Variants in DNAH9 observed in about 807,000 individuals in gnomAD.
DNAH9 encodes dynein axonemal heavy chain 9, also known as DNAH9 variant protein.
DNAH9 carries 345 observed loss-of-function variants against 471.6 expected under a neutral mutation model. The ratio of observed to expected loss-of-function variants is 0.73; its 90% confidence interval spans 0.67 to 0.80. DNAH9 has a LOEUF of 0.80. DNAH9 is among the 30% of genes least tolerant of loss of function. The pLI, the probability that DNAH9 is intolerant of heterozygous loss-of-function variation, is 0.00. For missense variants in DNAH9, 5,407 were observed against 5,609.2 expected (o/e 0.96, Z 1.15); for synonymous variants, 2,093 against 2,123.6 (o/e 0.99, Z 0.40).
chr17:11,949,638 T>C lies in DNAH9; in HGVS notation c.12843+7153T>C, dbSNP rs368074203. Among the ~76,000 whole-genome samples the C allele has an allele frequency of 2.0e-5, 3 of 152,264 alleles. No homozygotes were observed. In the South Asian group the frequency reaches 6.2e-4, roughly 32 times the overall value. ...CTGGGATTACAGGCATGCGCCAGCA[T>C]GCCTGGCTAATTTTGTATTTTCAGT... is the stretch of plus-strand genomic sequence containing the variant. On this transcript the variant is annotated intron_variant, in intron 67 of 68. Coordinates refer to ENST00000262442, the MANE Select transcript of DNAH9 (RefSeq NM_001372.4).
chr17:11,762,796 T>TTTTTTTTTTTTTTTTTTTTTTC (rs1555584732), intron 35 of DNAH9, among the ~76,000 whole-genome samples: 1 of 144,596 alleles, frequency 6.9e-6, no homozygotes, highest in Non-Finnish European at 1.5e-5. Context: ...TTTTTTTTTT[T>TTTTTTTTTTTTTTTTTTTTTTC]TGAGATGGAG....
In DNAH9 at chr17:11,945,587, C is replaced by T. The variant is rs183943665; in HGVS notation, c.12843+3102C>T. On this transcript the variant is annotated intron_variant, in intron 67 of 68. Transcript: ENST00000262442. ...AAGTTCTGGGACTGTTGGAGCTAAA[C>T]GATGGGAATACACAGACATACAAAG... Among the ~76,000 whole-genome samples, 79 of 148,870 alleles carry T rather than the reference C, an allele frequency of 5.3e-4. 1 individual carries two copies. Among genetic ancestry groups the T allele is most frequent in the Non-Finnish European group, 1.0e-4 (7 of 67,504 alleles).
intron 2 of DNAH9, among the ~76,000 whole-genome samples, 174 bp downstream of exon 2, chr17:11,608,499 C>T (rs2072557478): frequency 6.6e-6 from 1 of 152,190 alleles, no homozygotes; most frequent in Admixed American, 6.5e-5. Context: ...GTGTGTTTAC[C>T]CTGGTTACTC....
In DNAH9 at chr17:11,807,759, C is replaced by T. The variant is rs766951698; in HGVS notation, c.8448C>T (p.Ser2816=). ...HVCHINRILE[S]PRGNALLVGV... is the part of the protein sequence containing the mutation. ...GCCATATCAATCGCATCTTGGAGTC[C>T]CCGCGGGGAAATGCTCTGCTGGTTG... The change falls in exon 44 of 69, where the codon TCC becomes TCT. Residue 2816 remains serine (S), a synonymous_variant. Coordinates refer to ENST00000262442, the MANE Select transcript of DNAH9 (RefSeq NM_001372.4). The T allele has an allele frequency of 6.2e-7, 1 of 1,612,026 alleles. No individual in the cohort carries two copies. Among genetic ancestry groups the T allele is most frequent in the Admixed American group, 1.7e-5 (1 of 59,946 alleles).
At chr17:11,696,307 A>G (rs1384187671) in intron 22 of DNAH9, among the ~76,000 whole-genome samples, 3 of 152,112 alleles carry the variant, frequency 2.0e-5, no homozygotes, top group African/African-American at 4.8e-5. Context: ...CAAGTCAAAG[A>G]TATCTCCCTC....
chr17:11,598,972 A>G lies in DNAH9; in HGVS notation c.417+57A>G, dbSNP rs2072325397. Reference sequence around the variant, plus strand: ...AAGCTGGGTGGGGGAGGGGAGGAGGAGCCTTAAGGGACGGAGGCGGGGCCA... The same window carrying G: ...AAGCTGGGTGGGGGAGGGGAGGAGGGGCCTTAAGGGACGGAGGCGGGGCCA... On this transcript the variant is annotated intron_variant, in intron 1 of 68. Transcript: ENST00000262442. The G allele has an allele frequency of 3.3e-5, 33 of 986,496 alleles. No individual in the cohort carries two copies. In the South Asian group the frequency reaches 8.4e-4, roughly 25 times the overall value. The allele number at this position is 986,496 out of a possible 1,614,324, so 61.1% of individuals were successfully genotyped here. A position where few individuals can be genotyped will look rare whatever the true frequency, so the allele number is the denominator to read the frequency against.
chr17:11,922,099 T>C (rs951852590), intron 61 of DNAH9, among the ~76,000 whole-genome samples: 3 of 152,238 alleles, frequency 2.0e-5, no homozygotes, highest in African/African-American at 7.2e-5. Context: ...ACGGTGTTTC[T>C]TGGGTTCATC....
At position 11,933,978 on chromosome 17, in the gene DNAH9, G is replaced by A. The variant is rs768307083; in HGVS notation, c.12396G>A (p.Gly4132=). ...GAAGACTCTGCAGAACCTACCTGGGGGAATTCATTCGACCAGAAATGTTAG... is the reference window on the plus strand; with the variant it reads ...GAAGACTCTGCAGAACCTACCTGGGAGAATTCATTCGACCAGAAATGTTAG... ...WDRRLCRTYL[G]EFIRPEMLEG... The change falls in exon 65 of 69, where the codon GGG becomes GGA. Residue 4132 remains glycine, a synonymous_variant. Transcript: ENST00000262442. The A allele has an allele frequency of 6.2e-7, 1 of 1,614,152 alleles. No homozygotes were observed. The highest frequency in any genetic ancestry group is 8.5e-7 in the Non-Finnish European group (1 of 1,180,022).
rs777227983 is a variant in DNAH9, at chr17:11,886,824, G to C, written c.10972-1G>C. ...TGGGCTGCTGTTTATTTTTCCAACAGGTCCAGGAGGCCAAGGTGACTGAAG... is the reference window on the plus strand; with the variant it reads ...TGGGCTGCTGTTTATTTTTCCAACACGTCCAGGAGGCCAAGGTGACTGAAG... On this transcript the variant is annotated splice_acceptor_variant, in intron 56 of 68. Coordinates refer to ENST00000262442, the MANE Select transcript of DNAH9 (RefSeq NM_001372.4). LOFTEE classifies it high-confidence loss of function. 6.2e-7 allele frequency: 1 copy of C among 1,606,576 alleles called. No homozygotes were observed. Among genetic ancestry groups the C allele is most frequent in the Non-Finnish European group, 8.5e-7 (1 of 1,176,176 alleles).
At position 11,892,442 on chromosome 17, in the gene DNAH9, C is replaced by A. The variant is rs186244680; in HGVS notation, c.11283+495C>A. Among the ~76,000 whole-genome samples the A allele has an allele frequency of 6.6e-6, 1 of 152,266 alleles. No homozygotes were observed. The highest frequency in any genetic ancestry group is 1.9e-4 in the East Asian group (1 of 5,188). Reference sequence around the variant, plus strand: ...CTTGACCTTAGAAAGTTTTCAATAACGTTGGTTCTCAAGGGTTTGGGAAGC... The same window carrying A: ...CTTGACCTTAGAAAGTTTTCAATAAAGTTGGTTCTCAAGGGTTTGGGAAGC... On this transcript the variant is annotated intron_variant, in intron 58 of 68. Transcript: ENST00000262442. This position sits in a 1 kb window ranked among gnomAD's most constrained non-coding sequence, Gnocchi z 4.3.
At chr17:11,762,782 T>TG (rs1049344035) in intron 35 of DNAH9, among the ~76,000 whole-genome samples, 8 of 132,288 alleles carry the variant, frequency 6.0e-5, no homozygotes, top group East Asian at 4.4e-4. Flanking sequence ...TTTTTTTTTT[T>TG]TTTTTTTTTT....
At position 11,807,739 on chromosome 17, in the gene DNAH9, A is replaced by G. The variant is rs2150924765; in HGVS notation, c.8428A>G (p.Ile2810Val). 1 of 1,606,176 alleles carries G rather than the reference A, an allele frequency of 6.2e-7. No homozygotes were observed. Among genetic ancestry groups the G allele is most frequent in the Non-Finnish European group, 8.5e-7 (1 of 1,173,684 alleles). ...FEDAMRHVCH[I>V]NRILESPRGN... ...CTGCTTCCTTCTCTTTAGCTGCCAT[A>G]TCAATCGCATCTTGGAGTCCCCGCG... Residue 2810 changes from isoleucine (I) to valine (V), a missense_variant, in exon 44 of 69, where the codon ATC (isoleucine) becomes GTC (valine). Physicochemically the swap from Ile to Val is conservative, Grantham distance 29. This residue lies in a region of DNAH9 where 4,636 missense variants were observed against 4,900.3 expected (regional missense o/e 0.95). Coordinates refer to ENST00000262442, the MANE Select transcript of DNAH9 (RefSeq NM_001372.4).
chr17:11,743,279 CT>C (rs2075459668), intron 30 of DNAH9, among the ~76,000 whole-genome samples: 1 of 152,182 alleles, frequency 6.6e-6, no homozygotes, highest in Admixed American at 6.5e-5. Context: ...TAAATGAACC[CT>C]TAATGATTCT....
At chr17:11,738,812 A>G in intron 28 of DNAH9, 68 bp from the exon 29 acceptor site, 1 of 1,403,522 alleles carries the variant, frequency 7.1e-7, no homozygotes, top group South Asian at 1.2e-5. Flanking sequence ...ACAGGGTTCC[A>G]GCTTTAGTTA....
In DNAH9 at chr17:11,781,164, T is replaced by A; in HGVS notation, c.7708T>A (p.Tyr2570Asn). Reference sequence around the variant, plus strand: ...CACCATCATCCGGCAGCATCTGGACTATGGCCACTGGTAAGAGCGCCCATG... The same window carrying A: ...CACCATCATCCGGCAGCATCTGGACAATGGCCACTGGTAAGAGCGCCCATG... ...PHTIIRQHLD[Y>N]GHWYDRSKLS... The change falls in exon 39 of 69, where the codon TAT (tyrosine) becomes AAT (asparagine). Residue 2570 changes from tyrosine to asparagine, a missense_variant. This residue lies in a region of DNAH9 where 4,636 missense variants were observed against 4,900.3 expected (regional missense o/e 0.95). Coordinates refer to ENST00000262442, the MANE Select transcript of DNAH9 (RefSeq NM_001372.4). The A allele has an allele frequency of 6.2e-7, 1 of 1,613,868 alleles. No individual in the cohort carries two copies. The highest frequency in any genetic ancestry group is 8.5e-7 in the Non-Finnish European group (1 of 1,179,844).
At chr17:11,629,235 C>T (rs1597406339) in intron 6 of DNAH9, among the ~76,000 whole-genome samples, 182 bp from the exon 7 acceptor site, 1 of 151,934 alleles carries the variant, frequency 6.6e-6, no homozygotes, top group South Asian at 2.1e-4. Flanking sequence ...TCTCCTAATG[C>T]TATCCCTCCC....
intron 43 of DNAH9, among the ~76,000 whole-genome samples, chr17:11,798,156 G>A (rs578221581): frequency 3.3e-4 from 50 of 152,170 alleles, no homozygotes; most frequent in African/African-American, 1.1e-3. Context: ...GAGATAGGCT[G>A]GACAGGATGA....
At chr17:11,646,466 G>A (rs944270997) in intron 11 of DNAH9, among the ~76,000 whole-genome samples, 3 of 152,158 alleles carry the variant, frequency 2.0e-5, no homozygotes, top group South Asian at 2.1e-4. Flanking sequence ...AATGATGAAC[G>A]TCCATGAGCT....
Position 11,679,930 on chromosome 17 carries a change from T to C in DNAH9, c.3527T>C (p.Leu1176Pro), listed in dbSNP as rs1343045787. The C allele has an allele frequency of 1.6e-5, 26 of 1,614,002 alleles. No homozygotes were observed. The highest frequency in any genetic ancestry group is 2.2e-5 in the Non-Finnish European group (26 of 1,180,002). Residue 1176 changes from leucine (L) to proline (P), a missense_variant, in exon 18 of 69, where the codon CTG becomes CCG. By Grantham distance (98) the Leu-to-Pro change is moderately conservative. Coordinates refer to ENST00000262442, the MANE Select transcript of DNAH9 (RefSeq NM_001372.4). ...CCCTTAAAGCAGACTATTGAATTGC[T>C]GAAGACCTATGAACAAGAATTGCCA... ...FEPLKQTIEL[L>P]KTYEQELPET...
Sources: allele counts gnomAD v4.1 joint callset (sites outside exome capture counted in the v4.1 genomes callset), GRCh38; gene constraint gnomAD v4.1.1; regional missense constraint gnomAD v4.1.1; non-coding constraint Gnocchi (gnomAD v3.1); transcripts MANE v1.5; gene names NCBI Gene and HGNC (gene_info 2026-07-23, HGNC 2026-07-21).